FCSK: variants seen among roughly 807,000 people sequenced by gnomAD.
FCSK encodes the protein L-fucose kinase.
In FCSK, 123 loss-of-function variants were observed where a neutral mutation model predicts 122.5. That is an observed-to-expected ratio of 1.00 (90% CI 0.87 to 1.17). The LOEUF (loss-of-function observed/expected upper bound fraction) is 1.17, where lower values mean the gene tolerates loss of function less well. Among genes scored for constraint, FCSK ranks in the 50% most tolerant of loss-of-function variants. The probability of loss-of-function intolerance (pLI) is 0.00; values close to 1 mark genes in which losing one functional copy is unlikely to be tolerated. For synonymous variants in FCSK, 620 were observed against 625.5 expected (o/e 0.99, Z 0.13); for missense variants, 1,366 against 1,450.4 (o/e 0.94, Z 0.95).
In FCSK at chr16:70,454,729, C is replaced by T. The variant is rs1044155178; in HGVS notation, c.-23+99C>T. On this transcript the variant is annotated intron_variant, in intron 1 of 23. Transcript: ENST00000288078. Reference sequence around the variant, plus strand: ...GTGCACCCTCCCTGACTGGGAGCACCGAGTCGACCCGCGGGCCGCCCGGGT... The same window carrying T: ...GTGCACCCTCCCTGACTGGGAGCACTGAGTCGACCCGCGGGCCGCCCGGGT... 4 of 152,102 alleles carry T rather than the reference C, an allele frequency of 2.6e-5. No individual in the cohort carries two copies. In the East Asian group the frequency reaches 5.8e-4, roughly 22 times the overall value. 9.4% of individuals were successfully genotyped at this position (152,102 alleles called of 1,614,324 possible).
intron 3 of FCSK, among the ~76,000 whole-genome samples, chr16:70,464,483 C>T (rs1362535409): frequency 6.6e-6 from 1 of 152,076 alleles, no homozygotes; most frequent in Non-Finnish European, 1.5e-5. Flanking sequence ...GAAACCCCGT[C>T]TCTACTAAAA....
chr16:70,469,422 A>C, intron 10 of FCSK, 99 bp downstream of exon 10: 3 of 1,182,440 alleles, frequency 2.5e-6, no homozygotes, highest in Non-Finnish European at 3.5e-6. Flanking sequence ...GCAGCCCAGC[A>C]CAGGGACTGG....
intron 1 of FCSK, among the ~76,000 whole-genome samples, chr16:70,455,503 A>AG (rs2151693213): frequency 8.2e-6 from 1 of 122,106 alleles, no homozygotes; most frequent in African/African-American, 2.9e-5. Flanking sequence ...AACAAAACAA[A>AG]CCAACAACAA....
At chr16:70,455,617 C>T (rs1423464824) in intron 1 of FCSK, among the ~76,000 whole-genome samples, 1 of 150,776 alleles carries the variant, frequency 6.6e-6, no homozygotes, top group Admixed American at 6.6e-5. Flanking sequence ...AAAGGCCGGG[C>T]GAGGTGGCTC....
At position 70,479,737 on chromosome 16, in the gene FCSK, CT is replaced by C; in HGVS notation, c.*59del. The C allele has an allele frequency of 7.1e-7, 1 of 1,417,676 alleles. No individual in the cohort carries two copies. The highest frequency in any genetic ancestry group is 9.8e-7 in the Non-Finnish European group (1 of 1,017,884). The allele number at this position is 1,417,676 out of a possible 1,614,324, so 87.8% of individuals were successfully genotyped here. A position where few individuals can be genotyped will look rare whatever the true frequency, so the allele number is the denominator to read the frequency against. ...TGGAGCTACAGTGTCCCCCACCTTC[CT>C]TGCCCCATGGGAACCTCCACCTCCT... On this transcript the variant is annotated 3_prime_UTR_variant, in exon 24 of 24. Transcript: ENST00000288078.
Position 70,472,574 on chromosome 16 carries a change from T to C in FCSK, c.1375T>C (p.Trp459Arg), listed in dbSNP as rs781705874. Residue 459 changes from tryptophan (W) to arginine (R), a missense_variant, in exon 14 of 24, where the codon TGG becomes CGG. Coordinates refer to ENST00000288078, the MANE Select transcript of FCSK (RefSeq NM_145059.3). Reference protein sequence around the residue: ...QGAGTYLNVPWSEFFKRTGVR... With the variant: ...QGAGTYLNVPRSEFFKRTGVR... Reference sequence around the variant, plus strand: ...GGCAGGCACATATCTCAACGTGCCCTGGAGTGAATTCTTCAAGAGGACAGG... The same window carrying C: ...GGCAGGCACATATCTCAACGTGCCCCGGAGTGAATTCTTCAAGAGGACAGG... 10 of 1,613,228 alleles carry C rather than the reference T, an allele frequency of 6.2e-6. No homozygotes were observed. In the African/African-American group the frequency reaches 1.2e-4, roughly 19 times the overall value.
intron 1 of FCSK, among the ~76,000 whole-genome samples, chr16:70,456,438 G>A (rs2048095957): frequency 6.6e-6 from 1 of 152,074 alleles, no homozygotes; most frequent in South Asian, 2.1e-4. Flanking sequence ...TACCTTTTTT[G>A]TTAATCTCTC....
chr16:70,478,619 A>C lies in FCSK; in HGVS notation c.2898A>C (p.Gln966His). 6.2e-7 allele frequency: 1 copy of C among 1,613,756 alleles called. No individual in the cohort carries two copies. The part of the protein sequence containing the change: ...VVQNAHSLVR[Q>H]TEECAEGFRQ... ...AGAATGCCCACAGCCTGGTACGGCA[A>C]ACTGAGGAGTGTGCTGAAGGCTTCC... The change falls in exon 22 of 24, where the codon CAA becomes CAC. Residue 966 changes from glutamine to histidine, a missense_variant. Coordinates refer to ENST00000288078, the MANE Select transcript of FCSK (RefSeq NM_145059.3).
At chr16:70,475,225 A>G in intron 18 of FCSK, 125 bp from the exon 19 acceptor site, 1 of 1,180,990 alleles carries the variant, frequency 8.5e-7, no homozygotes, top group South Asian at 1.4e-5. Context: ...GGATGGGGCC[A>G]GTACTGCTGC....
intron 1 of FCSK, among the ~76,000 whole-genome samples, chr16:70,455,305 TCAG>T (rs1273204881): frequency 6.6e-6 from 1 of 152,182 alleles, no homozygotes; most frequent in African/African-American, 2.4e-5. Flanking sequence ...CAACTTGATC[TCAG>T]CAGATGAGGC....
At chr16:70,460,659 T>A (rs1158889234) in intron 1 of FCSK, among the ~76,000 whole-genome samples, 1 of 152,182 alleles carries the variant, frequency 6.6e-6, no homozygotes, top group Non-Finnish European at 1.5e-5. Flanking sequence ...CGCCTTGGCC[T>A]CCCAAAGTGC....
intron 2 of FCSK, 73 bp from the exon 3 acceptor site, chr16:70,463,550 G>C (rs2048328730): frequency 6.4e-7 from 1 of 1,572,394 alleles, no homozygotes; most frequent in Admixed American, 1.7e-5. Flanking sequence ...CTGATGATCA[G>C]TAGGCTTGCT....
chr16:70,466,586 A>T (rs553025253), intron 5 of FCSK: 31 of 508,686 alleles, frequency 6.1e-5, no homozygotes, highest in Admixed American at 1.0e-4. Flanking sequence ...AGTCCCAGCT[A>T]CTCAAGAGGC....
Position 70,463,642 on chromosome 16 carries a change from G to A in FCSK, c.102G>A (p.Lys34=). The A allele has an allele frequency of 6.2e-7, 1 of 1,613,588 alleles. No homozygotes were observed. Among genetic ancestry groups the A allele is most frequent in the South Asian group, 1.1e-5 (1 of 91,068 alleles). Residue 34 remains lysine, a synonymous_variant, in exon 3 of 24, where the codon AAG becomes AAA. Transcript: ENST00000288078. The part of the protein sequence containing the change: ...VFQRELEVRQ[K]REQIPAGTLL... The stretch of plus-strand genomic sequence containing the variant: ...CCCTAGAACTGGAAGTGCGGCAGAA[G>A]CGGGAGCAGATCCCTGCTGGGACGC...
chr16:70,461,279 T>A (rs992999661), intron 1 of FCSK, among the ~76,000 whole-genome samples: 35 of 152,028 alleles, frequency 2.3e-4, no homozygotes, highest in Non-Finnish European at 4.7e-4. Flanking sequence ...TTGCATGGGC[T>A]TTTCCCATGC....
rs538181279 is a variant in FCSK, at chr16:70,475,760, C to T, written c.2634C>T (p.Leu878=). 2 of 1,581,580 alleles carry T rather than the reference C, an allele frequency of 1.3e-6. No individual in the cohort carries two copies. Among genetic ancestry groups the T allele is most frequent in the East Asian group, 2.3e-5 (1 of 44,090 alleles). The change falls in exon 20 of 24, where the codon CTC becomes CTT. Residue 878 remains leucine (L), a synonymous_variant. Transcript: ENST00000288078. ...CAGTGCTGCACCTGGAGCAGGTGCT[C>T]ACCACTGGTATGTGACTGCCCTGGA... ...IHAVLHLEQV[L]TTGGGWQDQV...
At position 70,478,642 on chromosome 16, in the gene FCSK, T is replaced by TC. The variant is rs1191024302; in HGVS notation, c.2923dup (p.Arg975ProfsTer27). 1 of 1,613,358 alleles carries TC rather than the reference T, an allele frequency of 6.2e-7. No individual in the cohort carries two copies. On this transcript the variant is annotated frameshift_variant, in exon 22 of 24. Coordinates refer to ENST00000288078, the MANE Select transcript of FCSK (RefSeq NM_145059.3). LOFTEE classifies it high-confidence loss of function. ...CAAACTGAGGAGTGTGCTGAAGGCT[T>TC]CCGCCAAGGTGAGGGGCTTCCTCTG...
Position 70,474,784 on chromosome 16 carries a change from C to A in FCSK, c.2156-6C>A. ...GACCAGCTTGAGTCTTGCCACACTG[C>A]CATAGGGGGCTGGAGTGACACGCCA... On this transcript the variant is annotated splice_region_variant and splice_polypyrimidine_tract_variant and intron_variant, in intron 17 of 23. Transcript: ENST00000288078. The A allele has an allele frequency of 6.4e-7, 1 of 1,564,596 alleles. No individual in the cohort carries two copies. The highest frequency in any genetic ancestry group is 1.9e-5 in the Admixed American group (1 of 53,354).
intron 20 of FCSK, chr16:70,477,299 C>T (rs2048848415): frequency 3.3e-5 from 5 of 152,088 alleles, no homozygotes; most frequent in Admixed American, 3.3e-4. Context: ...TCTCCTGCCT[C>T]AGCCTCCCAG....
Sources: allele counts gnomAD v4.1 joint callset (sites outside exome capture counted in the v4.1 genomes callset), GRCh38; gene constraint gnomAD v4.1.1; transcripts MANE v1.5; gene names NCBI Gene and HGNC (gene_info 2026-07-23, HGNC 2026-07-21).